The following XDH variants were observed in gnomAD, a reference collection of about 807,000 sequenced individuals.
XDH encodes the protein xanthine dehydrogenase/oxidase.
A neutral mutation model predicts 156.1 loss-of-function variants in XDH; 138 were observed. The ratio of observed to expected loss-of-function variants is 0.88; its 90% CI spans 0.77 to 1.02. The LOEUF (loss-of-function observed/expected upper bound fraction) is 1.02. XDH is among the 50% of genes least tolerant of loss of function. The pLI is 0.00. For missense variants in XDH, 1,849 were observed against 1,684.9 expected, an observed-to-expected ratio of 1.10 and a Z score of -1.71; for synonymous variants, 669 against 625.7, an observed-to-expected ratio of 1.07 and a Z score of -1.03.
At chr2:31,414,250 G>A (rs1381828384) in intron 1 of XDH, among the ~76,000 whole-genome samples, 1 of 151,904 alleles carries the variant, frequency 6.6e-6, no homozygotes, top group Admixed American at 6.6e-5. Flanking sequence ...GTAAATTTTA[G>A]GATATATTTG....
At position 31,403,129 on chromosome 2, in the gene XDH, G is replaced by A; in HGVS notation, c.116C>T (p.Thr39Ile). ...GCCCCCCTCTCCACAGCCGAGCTTGGTTCCACTCAGCCCCACTGGGTGGTC... is the reference window on the plus strand; with the variant it reads ...GCCCCCCTCTCCACAGCCGAGCTTGATTCCACTCAGCCCCACTGGGTGGTC... ...YLRRKLGLSG[T>I]KLGCGEGGCG... Residue 39 changes from threonine (T) to isoleucine (I), a missense_variant, in exon 3 of 36, where the codon ACC becomes ATC. Physicochemically the swap from Thr to Ile is moderately conservative, Grantham distance 89 (BLOSUM62 -1). Transcript: ENST00000379416. The A allele has an allele frequency of 6.2e-7, 1 of 1,614,182 alleles. No individual in the cohort carries two copies. The highest frequency in any genetic ancestry group is 1.6e-4 in the Middle Eastern group (1 of 6,062).
At chr2:31,392,264 G>T (rs1273620441) in intron 6 of XDH, among the ~76,000 whole-genome samples, 1 of 151,362 alleles carries the variant, frequency 6.6e-6, no homozygotes, top group East Asian at 1.9e-4. Context: ...CAGTTATGTT[G>T]ATTTTCTCTA....
chr2:31,397,620 T>TTGCC, intron 6 of XDH, 48 bp downstream of exon 6: 1 of 1,611,426 alleles, frequency 6.2e-7, no homozygotes, highest in Non-Finnish European at 8.5e-7. Context: ...TTTCTGAGTG[T>TTGCC]TGCCATTTTA....
intron 1 of XDH, 75 bp from the exon 2 acceptor site, chr2:31,406,039 G>C (rs1687184129): frequency 2.7e-6 from 4 of 1,491,338 alleles, no homozygotes; most frequent in Non-Finnish European, 3.7e-6. Flanking sequence ...TCTTCCTTCA[G>C]TGTCTCACTC....
Position 31,365,500 on chromosome 2 carries a change from A to G in XDH, c.2501T>C (p.Met834Thr), listed in dbSNP as rs750572164. ...GGGATGTCTGCCACCAGTTATCAGC[A>G]TGTCCTCATCACGGTCCAGCATGCA... is the stretch of plus-strand genomic sequence containing the variant. Reference protein sequence around the residue: ...VRCMLDRDEDMLITGGRHPFL... With the variant: ...VRCMLDRDEDTLITGGRHPFL... Residue 834 changes from methionine to threonine, a missense_variant, in exon 23 of 36, where the codon ATG (methionine) becomes ACG (threonine). Met to Thr is a moderately conservative substitution (Grantham distance 81). Transcript: ENST00000379416. 1.9e-6 allele frequency: 3 copies of G among 1,614,116 alleles called. No homozygotes were observed. The highest frequency in any genetic ancestry group is 1.7e-5 in the Admixed American group (1 of 60,020).
At chr2:31,382,883 G>A (rs1686475561) in intron 11 of XDH, 118 bp downstream of exon 11, 1 of 1,464,036 alleles carries the variant, frequency 6.8e-7, no homozygotes, top group Non-Finnish European at 9.4e-7. Flanking sequence ...CTCCTCCCAG[G>A]CAACTCTAAG....
rs1035777544 is a variant in XDH at position 31,337,697 on chromosome 2, T to C, written c.3895A>G (p.Ser1299Gly). ...CGGATCTTCTCCGGGGTGGCAGGGC[T>C]GTCTAGCCGGAAGAGTTCCTTCACG... Reference protein sequence around the residue: ...NNVKELFRLDSPATPEKIRNA... With the variant: ...NNVKELFRLDGPATPEKIRNA... Residue 1299 changes from serine (S) to glycine (G), a missense_variant, in exon 35 of 36, where the codon AGC becomes GGC. By Grantham distance (56) the Ser-to-Gly change is moderately conservative. Transcript: ENST00000379416. 1 of 1,614,246 alleles carries C rather than the reference T, an allele frequency of 6.2e-7. No individual in the cohort carries two copies. Among genetic ancestry groups the C allele is most frequent in the Non-Finnish European group, 8.5e-7 (1 of 1,180,032 alleles).
intron 9 of XDH, among the ~76,000 whole-genome samples, chr2:31,384,576 C>T (rs988350384): frequency 1.3e-5 from 2 of 152,200 alleles, no homozygotes; most frequent in Admixed American, 6.5e-5. Flanking sequence ...ACAAGTGTGC[C>T]TCTGTTCCTT....
chr2:31,383,518 C>T (rs45464398), intron 10 of XDH, among the ~76,000 whole-genome samples: 2,127 of 151,668 alleles, frequency 0.014, 50 homozygotes, highest in African/African-American at 0.048. Flanking sequence ...TAATGTGTAG[C>T]CAGAATTGAG....
chr2:31,378,178 GCAA>G (rs1558696894), intron 13 of XDH, among the ~76,000 whole-genome samples: 1,330 of 57,976 alleles, frequency 0.023, 95 homozygotes, highest in East Asian at 0.033. Flanking sequence ...AAGGAAGGAA[GCAA>G]GCAAGCAAGC....
chr2:31,373,737 G>T (rs1686143746), intron 16 of XDH, 136 bp downstream of exon 16: 1 of 807,662 alleles, frequency 1.2e-6, no homozygotes, highest in Non-Finnish European at 2.1e-6. Context: ...TCTTCACTGG[G>T]TATTTACGCA....
In XDH at chr2:31,382,441, A is replaced by G. The variant is rs931717583; in HGVS notation, c.1038+560T>C. On this transcript the variant is annotated intron_variant, in intron 11 of 35. Transcript: ENST00000379416. ...GATAGCTTTTCTTCCGACACCATAA[A>G]CTGTTGTGAAGAGCTTCCATTGGCA... Among the ~76,000 whole-genome samples, 7 of 152,086 alleles carry G rather than the reference A, an allele frequency of 4.6e-5. No individual in the cohort carries two copies. The East Asian group carries it at 1.4e-3, about 29-fold the overall frequency.
intron 15 of XDH, among the ~76,000 whole-genome samples, chr2:31,374,573 A>C (rs1686174844): frequency 2.6e-5 from 4 of 152,186 alleles, no homozygotes. Context: ...AATACTTGGC[A>C]GTGGTTTTCT....
intron 6 of XDH, among the ~76,000 whole-genome samples, chr2:31,394,808 A>G (rs1373571718): frequency 6.6e-6 from 1 of 152,116 alleles, no homozygotes; most frequent in Non-Finnish European, 1.5e-5. Context: ...TTTCTCAGCC[A>G]TGTCCAGTCT....
chr2:31,398,584 T>C lies in XDH; in HGVS notation c.422A>G (p.Asn141Ser). The C allele has an allele frequency of 6.2e-7, 1 of 1,614,112 alleles. No homozygotes were observed. The highest frequency in any genetic ancestry group is 8.5e-7 in the Non-Finnish European group (1 of 1,179,956). The change falls in exon 5 of 36, where the codon AAT (asparagine) becomes AGT (serine). Residue 141 changes from asparagine (N) to serine (S), a missense_variant. Coordinates refer to ENST00000379416, the MANE Select transcript of XDH (RefSeq NM_000379.4). ...QPEPTMEEIE[N>S]AFQGNLCRCT... ...CTGAAGGCCCATACCTTGGAAGGCATTCTCAATCTCCTCCATGGTGGGCTC... is the reference window on the plus strand; with the variant it reads ...CTGAAGGCCCATACCTTGGAAGGCACTCTCAATCTCCTCCATGGTGGGCTC...
chr2:31,381,848 C>T, intron 11 of XDH, 122 bp from the exon 12 acceptor site: 2 of 848,548 alleles, frequency 2.4e-6, no homozygotes, highest in Non-Finnish European at 2.0e-6. Flanking sequence ...GGTCCTGTGC[C>T]TACTGTAGTC....
Position 31,335,745 on chromosome 2 carries a change from G to T in XDH, c.*213C>A, listed in dbSNP as rs1450218815. 1.6e-6 allele frequency: 1 copy of T among 633,104 alleles called. No homozygotes were observed. The highest frequency in any genetic ancestry group is 2.8e-6 in the Non-Finnish European group (1 of 353,566). 39.2% of individuals were successfully genotyped at this position (633,104 alleles called of 1,614,324 possible). On this transcript the variant is annotated 3_prime_UTR_variant, in exon 36 of 36. Transcript: ENST00000379416. The stretch of plus-strand genomic sequence containing the variant: ...TCCTAATTGCATATTCACCATTTAG[G>T]CATAACAGTTTTGAATTTGCTTATC...
intron 4 of XDH, 110 bp downstream of exon 4, chr2:31,401,110 G>T: frequency 1.7e-6 from 2 of 1,199,446 alleles, no homozygotes; most frequent in Non-Finnish European, 2.4e-6. Context: ...CTTAGATTAA[G>T]CAGTGAAACT....
At chr2:31,346,123 G>A (rs996547752) in intron 30 of XDH, among the ~76,000 whole-genome samples, 1 of 152,204 alleles carries the variant, frequency 6.6e-6, no homozygotes, top group South Asian at 2.1e-4. Flanking sequence ...CAATACTGGG[G>A]AAGGATGCAG....
Sources: allele counts gnomAD v4.1 joint callset (sites outside exome capture counted in the v4.1 genomes callset), GRCh38; gene constraint gnomAD v4.1.1; transcripts MANE v1.5; gene names NCBI Gene and HGNC (gene_info 2026-07-23, HGNC 2026-07-21).